FGF14: variants seen among roughly 807,000 people sequenced by gnomAD.
The protein encoded by FGF14 is fibroblast growth factor 14.
FGF14 carries 5 observed loss-of-function variants against 25.5 expected under a neutral mutation model. The ratio of observed to expected loss-of-function variants is 0.20; its 90% CI spans 0.10 to 0.41. The LOEUF is 0.41. Ranked by LOEUF, FGF14 falls within the 10% of genes least tolerant of loss-of-function variation. The probability of loss-of-function intolerance (pLI) is 1.00; values close to 1 mark genes in which losing one functional copy is unlikely to be tolerated. For missense variants in FGF14, 222 were observed against 320.1 expected (o/e 0.69, Z 2.34); for synonymous variants, 138 against 118.3 (o/e 1.17, Z -1.08).
At chr13:101,819,638 C>T (rs535385368) in intron 3 of FGF14, among the ~76,000 whole-genome samples, 5 of 152,298 alleles carry the variant, frequency 3.3e-5, no homozygotes, top group African/African-American at 4.8e-5. Context: ...CATCAGCAAT[C>T]GTCAGCTTAG....
rs530217129 is a variant in FGF14 at position 101,791,681 on chromosome 13, T to G, written c.409-64871A>C. ...AAACCAAGATCACTCAAGATGACCT[T>G]TGACCTTCCTACCCCATTTCCACCC... On this transcript the variant is annotated intron_variant, in intron 3 of 4. Transcript: ENST00000376143. 6.6e-5 allele frequency among the ~76,000 whole-genome samples: 10 copies of G among 152,258 alleles called. No individual in the cohort carries two copies. In the East Asian group the frequency reaches 1.9e-3, roughly 29 times the overall value.
intron 1 of FGF14, among the ~76,000 whole-genome samples, chr13:101,998,264 G>T (rs116554666): frequency 6.6e-6 from 1 of 152,098 alleles, no homozygotes; most frequent in African/African-American, 2.4e-5. Context: ...AAGAATATTG[G>T]AACATTTCTT....
intron 1 of FGF14, among the ~76,000 whole-genome samples, chr13:102,256,437 G>T (rs1431500794): frequency 6.6e-6 from 1 of 152,158 alleles, no homozygotes; most frequent in Non-Finnish European, 1.5e-5. Context: ...GGTCGAAGTT[G>T]CAGTGAGCTG....
At chr13:101,880,482 G>A (rs142489426) in intron 1 of FGF14, among the ~76,000 whole-genome samples, 38 of 152,226 alleles carry the variant, frequency 2.5e-4, no homozygotes, top group Non-Finnish European at 2.8e-4. Context: ...CATGAGAATC[G>A]CTTGAACCCG....
At chr13:101,747,920 C>G (rs1235119869) in intron 3 of FGF14, among the ~76,000 whole-genome samples, 1 of 151,998 alleles carries the variant, frequency 6.6e-6, no homozygotes, top group African/African-American at 2.4e-5. Flanking sequence ...AATGAGATAT[C>G]ATCTTGCACC....
intron 3 of FGF14, among the ~76,000 whole-genome samples, chr13:101,798,624 T>A (rs2040694419): frequency 6.6e-6 from 1 of 152,142 alleles, no homozygotes; most frequent in South Asian, 2.1e-4. Context: ...CATAGGTTAA[T>A]GAAGAATCTT....
At chr13:101,749,630 C>G (rs141117079) in intron 3 of FGF14, among the ~76,000 whole-genome samples, 2 of 152,158 alleles carry the variant, frequency 1.3e-5, no homozygotes, top group Admixed American at 6.6e-5. Flanking sequence ...TTAGGAGACA[C>G]GTTTGACTTT....
intron 3 of FGF14, among the ~76,000 whole-genome samples, chr13:101,860,355 C>A (rs1452662898): frequency 6.6e-6 from 1 of 152,034 alleles, no homozygotes; most frequent in African/African-American, 2.4e-5. Flanking sequence ...AAGGCCAACT[C>A]ATCTGGTTAA....
intron 1 of FGF14, among the ~76,000 whole-genome samples, chr13:102,352,818 A>G (rs939694215): frequency 6.6e-6 from 1 of 151,840 alleles, no homozygotes; most frequent in Non-Finnish European, 1.5e-5. Flanking sequence ...TCTCAAAAAA[A>G]AAAAAAAAAA....
chr13:101,871,525 C>T (rs1192363357), intron 2 of FGF14, among the ~76,000 whole-genome samples: 1 of 152,048 alleles, frequency 6.6e-6, no homozygotes, highest in Non-Finnish European at 1.5e-5. Flanking sequence ...CCAGGTTGAG[C>T]ATTTCTAAGG....
intron 1 of FGF14, among the ~76,000 whole-genome samples, chr13:102,385,343 G>C (rs1314915473): frequency 1.3e-5 from 2 of 152,114 alleles, no homozygotes; most frequent in Non-Finnish European, 2.9e-5. Context: ...TTACTTCTAA[G>C]TTATCTATGT....
intron 1 of FGF14, among the ~76,000 whole-genome samples, chr13:102,217,936 A>C (rs1163682331): frequency 6.6e-6 from 1 of 152,228 alleles, no homozygotes; most frequent in Non-Finnish European, 1.5e-5. Flanking sequence ...GTGCAGATCA[A>C]GCCCATATTG....
chr13:101,792,740 C>T (rs1209259844), intron 3 of FGF14, among the ~76,000 whole-genome samples: 1 of 152,090 alleles, frequency 6.6e-6, no homozygotes, highest in African/African-American at 2.4e-5. Flanking sequence ...GGAGAATTCA[C>T]ATAAAGCTGT....
chr13:101,874,828 AAAATAAT>A (rs988084543), intron 2 of FGF14, among the ~76,000 whole-genome samples: 1 of 152,164 alleles, frequency 6.6e-6, no homozygotes, highest in Non-Finnish European at 1.5e-5. Flanking sequence ...AGAGCCTGAT[AAAATAAT>A]ACATCCAAAG....
intron 1 of FGF14, chr13:102,373,597 T>C (rs2057949882): frequency 6.6e-6 from 1 of 152,176 alleles, no homozygotes; most frequent in Non-Finnish European, 1.5e-5. Flanking sequence ...TCAAAGAAGA[T>C]AATTCAAATT....
chr13:101,933,150 A>G (rs1333767119), intron 1 of FGF14, among the ~76,000 whole-genome samples: 1 of 152,230 alleles, frequency 6.6e-6, no homozygotes, highest in Admixed American at 6.5e-5. Flanking sequence ...TTAAAAACTT[A>G]GTTTAACTAT....
At chr13:102,368,351 G>C (rs1366326398) in intron 1 of FGF14, among the ~76,000 whole-genome samples, 2 of 152,022 alleles carry the variant, frequency 1.3e-5, no homozygotes, top group African/African-American at 4.8e-5. Flanking sequence ...CAAAAAAATC[G>C]AAATAATATT....
intron 3 of FGF14, among the ~76,000 whole-genome samples, chr13:101,747,771 C>T (rs1359414443): frequency 6.6e-6 from 1 of 151,834 alleles, no homozygotes; most frequent in East Asian, 1.9e-4. Context: ...ATTCAGACAA[C>T]AACAACATCA....
At chr13:102,217,441 TACA>T in intron 1 of FGF14, among the ~76,000 whole-genome samples, 1 of 152,364 alleles carries the variant, frequency 6.6e-6, no homozygotes, top group East Asian at 1.9e-4. Context: ...ATCTCAGTGT[TACA>T]ACAACTGTGC....
Sources: gnomAD v4.1 joint callset for allele counts (sites outside exome capture counted in the v4.1 genomes callset) on GRCh38, gnomAD v4.1.1 for gene constraint, MANE v1.5 for transcripts, NCBI Gene and HGNC (gene_info 2026-07-23, HGNC 2026-07-21) for gene names.